The following MROH1 variants were observed in gnomAD, a reference collection of about 807,000 sequenced individuals.
The protein encoded by MROH1 is maestro heat like repeat family member 1.
In MROH1, 117 loss-of-function variants were observed where a neutral mutation model predicts 116.5. The ratio of observed to expected loss-of-function variants is 1.00; its 90% CI spans 0.86 to 1.17. The LOEUF (loss-of-function observed/expected upper bound fraction) is 1.17, where lower values mean the gene tolerates loss of function less well. Ranked by LOEUF, MROH1 falls within the 50% of genes most tolerant of loss-of-function variation. MROH1 has a pLI of 0.00. For synonymous variants in MROH1, 921 were observed against 583.9 expected (o/e 1.58, Z -8.32); for missense variants, 1,873 against 1,338.5 (o/e 1.40, Z -6.23).
At chr8:144,173,761 G>A (rs888943557) in intron 4 of MROH1, among the ~76,000 whole-genome samples, 7 of 152,190 alleles carry the variant, frequency 4.6e-5, no homozygotes, top group South Asian at 2.1e-4. Context: ...AAGCCCTAGC[G>A]ATGCCCCACC....
chr8:144,173,708 C>T, intron 4 of MROH1, among the ~76,000 whole-genome samples: 1 of 152,206 alleles, frequency 6.6e-6, no homozygotes, highest in Non-Finnish European at 1.5e-5. Context: ...CAGGCCTGAG[C>T]CACTCCGCCC....
At chr8:144,216,430 C>T (rs1835278670) in intron 12 of MROH1, among the ~76,000 whole-genome samples, 1 of 152,078 alleles carries the variant, frequency 6.6e-6, no homozygotes, top group African/African-American at 2.4e-5. Flanking sequence ...GCCGAGATCG[C>T]ACCACTCCAT....
intron 12 of MROH1, among the ~76,000 whole-genome samples, chr8:144,219,841 G>C (rs1408449781): frequency 6.6e-6 from 1 of 152,208 alleles, no homozygotes; most frequent in Non-Finnish European, 1.5e-5. Flanking sequence ...AGGGTATGGG[G>C]TGTATGAGCA....
chr8:144,194,386 G>A (rs1255324075), intron 10 of MROH1, among the ~76,000 whole-genome samples: 1 of 152,100 alleles, frequency 6.6e-6, no homozygotes, highest in Non-Finnish European at 1.5e-5. Context: ...AACTAAGATT[G>A]GAAAGGAACT....
Position 144,259,932 on chromosome 8 carries a change from A to T in MROH1, c.4066A>T (p.Asn1356Tyr). 1.3e-6 allele frequency: 1 copy of T among 742,576 alleles called. No individual in the cohort carries two copies. The highest frequency in any genetic ancestry group is 1.9e-5 in the Admixed American group (1 of 54,010). The allele number at this position is 742,576 out of a possible 1,614,324, so 46.0% of individuals were successfully genotyped here. Residue 1356 changes from asparagine (N) to tyrosine (Y), a missense_variant, in exon 38 of 44, where the codon AAC becomes TAC. Physicochemically the swap from Asn to Tyr is moderately radical, Grantham distance 143. Transcript: ENST00000326134. Reference protein sequence around the residue: ...LAELLNSNVANDLMLLDSLLE... With the variant: ...LAELLNSNVAYDLMLLDSLLE... ...GCAGCTGCTGAACAGCAACGTGGCC[A>T]ACGACCTCATGCTCTTGGACTCGCT...
At chr8:144,217,894 G>C (rs991592042) in intron 12 of MROH1, among the ~76,000 whole-genome samples, 1 of 142,050 alleles carries the variant, frequency 7.0e-6, no homozygotes, top group African/African-American at 2.6e-5. Context: ...AGTATCCCTC[G>C]GGTGGCTGCG....
At chr8:144,255,160 A>C (rs1351570446) in intron 34 of MROH1, among the ~76,000 whole-genome samples, 182 bp downstream of exon 34, 1 of 152,094 alleles carries the variant, frequency 6.6e-6, no homozygotes, top group African/African-American at 2.4e-5. Context: ...CCCCCAGGGG[A>C]GGCCACTTCA....
chr8:144,195,218 A>AAAAAAAAAAAAAAAAAC (rs1829571783), intron 10 of MROH1, among the ~76,000 whole-genome samples: 1 of 141,892 alleles, frequency 7.0e-6, no homozygotes, highest in East Asian at 2.2e-4. Flanking sequence ...AAAAAAAAAA[A>AAAAAAAAAAAAAAAAAC]AGGCCGAGTG....
intron 1 of MROH1, among the ~76,000 whole-genome samples, chr8:144,159,791 G>A (rs1316414940): frequency 1.2e-4 from 14 of 119,426 alleles, no homozygotes; most frequent in African/African-American, 3.4e-4. Context: ...TTTTTGAGAC[G>A]GAGTCTCGCT....
chr8:144,245,353 C>A, intron 29 of MROH1, 93 bp downstream of exon 29: 1 of 733,646 alleles, frequency 1.4e-6, no homozygotes, highest in Non-Finnish European at 2.5e-6. Flanking sequence ...TGGCCGCCGC[C>A]CCAGCTCAGG....
intron 12 of MROH1, among the ~76,000 whole-genome samples, chr8:144,210,394 C>T (rs1167753025): frequency 6.7e-6 from 1 of 149,076 alleles, no homozygotes; most frequent in Non-Finnish European, 1.5e-5. Context: ...GCCGAGATTA[C>T]GCCACTGCAT....
Position 144,199,210 on chromosome 8 carries a change from G to A in MROH1, c.1027+10G>A. 1 of 1,611,226 alleles carries A rather than the reference G, an allele frequency of 6.2e-7. No homozygotes were observed. Among genetic ancestry groups the A allele is most frequent in the East Asian group, 2.2e-5 (1 of 44,810 alleles). On this transcript the variant is annotated intron_variant, in intron 11 of 43. Transcript: ENST00000326134. ...TGCTTCACTGTGCTGGGTGAGTGGT[G>A]GGCCCAGCTTTGCCCATGGGCATCT...
At chr8:144,183,176 G>A (rs183340995) in intron 7 of MROH1, among the ~76,000 whole-genome samples, 2 of 152,134 alleles carry the variant, frequency 1.3e-5, no homozygotes, top group African/African-American at 4.8e-5. Flanking sequence ...CCAGGAATTC[G>A]AAACCAGGCT....
chr8:144,222,211 G>A (rs1206037989), intron 13 of MROH1, among the ~76,000 whole-genome samples: 1 of 152,206 alleles, frequency 6.6e-6, no homozygotes, highest in Admixed American at 6.5e-5. Flanking sequence ...AAGGGCAGCT[G>A]CCAGTGCCCA....
chr8:144,167,831 G>T (rs970436747), intron 3 of MROH1, among the ~76,000 whole-genome samples: 2 of 152,198 alleles, frequency 1.3e-5, no homozygotes, highest in African/African-American at 4.8e-5. Flanking sequence ...CAAGGGCTAT[G>T]TGTGGGCAAT....
At chr8:144,256,047 G>A (rs1331120869) in intron 35 of MROH1, among the ~76,000 whole-genome samples, 1 of 152,202 alleles carries the variant, frequency 6.6e-6, no homozygotes, top group Non-Finnish European at 1.5e-5. Context: ...GGAGTCTTTG[G>A]GGTATAGGCT....
intron 1 of MROH1, among the ~76,000 whole-genome samples, chr8:144,157,677 C>CTTTTTTTTTTTTTTTTT (rs1164415639): frequency 5.9e-5 from 7 of 117,940 alleles, no homozygotes; most frequent in Non-Finnish European, 6.9e-5. Context: ...TTCTTTCTTT[C>CTTTTTTTTTTTTTTTTT]TTTTTTTTTT....
intron 22 of MROH1, 52 bp from the exon 23 acceptor site, chr8:144,242,317 C>G: frequency 1.3e-6 from 1 of 780,162 alleles, no homozygotes; most frequent in South Asian, 1.3e-5. Context: ...GGATTCCCGT[C>G]GGGGAGTGTA....
At chr8:144,259,136 G>A in intron 36 of MROH1, 104 bp from the exon 37 acceptor site, 1 of 694,642 alleles carries the variant, frequency 1.4e-6, no homozygotes, top group Non-Finnish European at 2.6e-6. Flanking sequence ...CCCAGAACCT[G>A]GCAGCTGGCG....
Sources: allele counts gnomAD v4.1 joint callset (sites outside exome capture counted in the v4.1 genomes callset), GRCh38; gene constraint gnomAD v4.1.1; transcripts MANE v1.5; gene names NCBI Gene and HGNC (gene_info 2026-07-23, HGNC 2026-07-21).